Variants in SLCO3A1 observed in about 807,000 individuals in gnomAD.
The protein encoded by SLCO3A1 is PGE1 transporter.
In SLCO3A1, 27 loss-of-function variants were observed where a neutral mutation model predicts 63.1. That is an observed-to-expected ratio of 0.43 (90% CI 0.32 to 0.59). The LOEUF is 0.59. Ranked by LOEUF, SLCO3A1 falls within the 20% of genes least tolerant of loss-of-function variation. The probability of loss-of-function intolerance (pLI) is 0.09; values close to 1 mark genes in which losing one functional copy is unlikely to be tolerated. For missense variants in SLCO3A1, 773 were observed against 945.8 expected, an observed-to-expected ratio of 0.82 and a Z score of 2.40; for synonymous variants, 473 against 409.9, an observed-to-expected ratio of 1.15 and a Z score of -1.86.
In SLCO3A1 at chr15:92,054,689, A is replaced by C. The variant is rs546857934; in HGVS notation, c.647-40192A>C. Among the ~76,000 whole-genome samples, 179 of 149,696 alleles carry C rather than the reference A, an allele frequency of 1.2e-3. 3 individuals are homozygous for C. The highest frequency in any genetic ancestry group is 4.0e-3 in the African/African-American group (163 of 40,624). On this transcript the variant is annotated intron_variant, in intron 2 of 9. Coordinates refer to ENST00000318445, the MANE Select transcript of SLCO3A1 (RefSeq NM_013272.4). ...CATTGTTCAGCTCCCATTATGAGTG[A>C]GAATATGTGGTATTTGGTTTTCTGT... is the stretch of plus-strand genomic sequence containing the variant.
At chr15:92,000,686 G>A (rs2046243279) in intron 2 of SLCO3A1, among the ~76,000 whole-genome samples, 1 of 152,218 alleles carries the variant, frequency 6.6e-6, no homozygotes, top group South Asian at 2.1e-4. Flanking sequence ...AGGCTTCGTT[G>A]AAGCAACAGC....
At chr15:92,041,996 A>C (rs894976182) in intron 2 of SLCO3A1, among the ~76,000 whole-genome samples, 27 of 152,146 alleles carry the variant, frequency 1.8e-4, no homozygotes, top group Non-Finnish European at 3.7e-4. Flanking sequence ...AAACCAAATA[A>C]TGAGCAGAAT....
chr15:92,017,285 T>TGGG (rs35547562), intron 2 of SLCO3A1, among the ~76,000 whole-genome samples: 34 of 145,818 alleles, frequency 2.3e-4, no homozygotes, highest in Non-Finnish European at 3.9e-4. Context: ...GAGCTGGGAT[T>TGGG]GGGGGGGGGT....
intron 2 of SLCO3A1, among the ~76,000 whole-genome samples, chr15:92,070,356 C>T (rs1453656216): frequency 3.9e-5 from 6 of 152,286 alleles, no homozygotes; most frequent in Admixed American, 1.3e-4. Flanking sequence ...GAAATAATTA[C>T]GGAGGGTCGG....
chr15:91,939,705 A>T (rs747753044), intron 2 of SLCO3A1, among the ~76,000 whole-genome samples: 6 of 150,834 alleles, frequency 4.0e-5, no homozygotes, highest in Non-Finnish European at 8.9e-5. Context: ...CATAGCTTGG[A>T]CTCTTTCCCG....
chr15:92,054,608 A>G (rs1198124003), intron 2 of SLCO3A1, among the ~76,000 whole-genome samples: 2 of 101,132 alleles, frequency 2.0e-5, no homozygotes, highest in Admixed American at 2.1e-4. Context: ...CCCTCCACCC[A>G]CCCCCGCCCA....
intron 2 of SLCO3A1, among the ~76,000 whole-genome samples, chr15:92,022,095 C>T (rs2046516563): frequency 6.6e-6 from 1 of 152,204 alleles, no homozygotes; most frequent in African/African-American, 2.4e-5. Flanking sequence ...GCATAAAATC[C>T]TGATGAGCCT....
intron 2 of SLCO3A1, among the ~76,000 whole-genome samples, chr15:92,080,650 T>A (rs566060575): frequency 2.0e-5 from 3 of 152,286 alleles, no homozygotes; most frequent in Admixed American, 1.3e-4. Flanking sequence ...GTAGGGGCCA[T>A]ACTCGGTGCC....
In SLCO3A1 at chr15:92,147,457, T is replaced by C. The variant is rs2048242805; in HGVS notation, c.1688+298T>C. 3.9e-5 allele frequency among the ~76,000 whole-genome samples: 6 copies of C among 152,100 alleles called. No homozygotes were observed. In the South Asian group the frequency reaches 1.2e-3, roughly 32 times the overall value. The stretch of plus-strand genomic sequence containing the variant: ...TTGAGCCTTACAGGACGCAGCCTCG[T>C]TGGAGGAAAATGAAAGTGGCGTCAG... On this transcript the variant is annotated intron_variant, in intron 8 of 9. Coordinates refer to ENST00000318445, the MANE Select transcript of SLCO3A1 (RefSeq NM_013272.4).
chr15:92,039,403 G>C (rs1016020761), intron 2 of SLCO3A1, among the ~76,000 whole-genome samples: 4 of 152,146 alleles, frequency 2.6e-5, no homozygotes, highest in African/African-American at 4.8e-5. Context: ...CAAAAAGTGG[G>C]CAAAGGATAT....
In SLCO3A1 at chr15:92,162,896, G is replaced by A. The variant is rs369481876; in HGVS notation, c.1894G>A (p.Ala632Thr). ...YRYLYVSIAI[A>T]LKSFAFILYT... is the part of the protein sequence containing the mutation. ...ATACCTGTATGTCAGCATCGCCATC[G>A]CGCTCAAATCCTTCGCCTTCATCCT... is the stretch of plus-strand genomic sequence containing the variant. The change falls in exon 10 of 10, where the codon GCG (alanine) becomes ACG (threonine). Residue 632 changes from alanine to threonine, a missense_variant. Ala to Thr is a moderately conservative substitution (Grantham distance 58, BLOSUM62 0). Around this residue, in one of 3 missense-constraint regions of SLCO3A1, gnomAD observed 139 missense variants for 131.4 expected, o/e 1.06. Transcript: ENST00000318445. 144 of 1,614,054 alleles carry A rather than the reference G, an allele frequency of 8.9e-5. No homozygotes were observed. Among genetic ancestry groups the A allele is most frequent in the Non-Finnish European group, 1.1e-4 (127 of 1,180,050 alleles).
intron 2 of SLCO3A1, among the ~76,000 whole-genome samples, chr15:91,997,843 A>G (rs1386190211): frequency 6.6e-6 from 1 of 152,306 alleles, no homozygotes; most frequent in East Asian, 1.9e-4. Flanking sequence ...ATCTTTCAAC[A>G]TATACAAAAA....
At chr15:91,956,980 TATATA>T (rs1256314742) in intron 2 of SLCO3A1, among the ~76,000 whole-genome samples, 10 of 33,934 alleles carry the variant, frequency 2.9e-4, no homozygotes, top group African/African-American at 1.7e-3. Context: ...ATATATAGTA[TATATA>T]ATATATAGTA....
chr15:91,889,531 G>A lies in SLCO3A1; in HGVS notation c.181-26462G>A, dbSNP rs1897818685. 2.6e-5 allele frequency among the ~76,000 whole-genome samples: 4 copies of A among 152,230 alleles called. No homozygotes were observed. The South Asian group carries it at 8.3e-4, about 32-fold the overall frequency. ...TTGACTGATCTGGAAGCTCTGTAAG[G>A]TAGGCTCATTGCAAATGCAATTGCT... On this transcript the variant is annotated intron_variant, in intron 1 of 9. Transcript: ENST00000318445.
chr15:91,964,064 A>C (rs771141083), intron 2 of SLCO3A1, among the ~76,000 whole-genome samples: 15 of 152,156 alleles, frequency 9.9e-5, no homozygotes, highest in Non-Finnish European at 1.6e-4. Context: ...TTAGCTAGAC[A>C]CAAAAGTTCT....
chr15:92,156,324 C>T (rs2238346), intron 9 of SLCO3A1, among the ~76,000 whole-genome samples: 5,056 of 152,212 alleles, frequency 0.033, 286 homozygotes, highest in East Asian at 0.28. Flanking sequence ...ATATGTTAGG[C>T]GCCAGCCATG....
intron 2 of SLCO3A1, among the ~76,000 whole-genome samples, chr15:91,974,002 C>T (rs568996846): frequency 2.0e-5 from 3 of 152,224 alleles, no homozygotes; most frequent in Admixed American, 2.0e-4. Flanking sequence ...TGTCTGTGAG[C>T]CAGGCCTATT....
intron 2 of SLCO3A1, among the ~76,000 whole-genome samples, chr15:92,050,238 G>T (rs1305485664): frequency 6.6e-6 from 1 of 152,234 alleles, no homozygotes; most frequent in Non-Finnish European, 1.5e-5. Flanking sequence ...CCTTCAGCAG[G>T]TGTGGATAGT....
rs778939477 is a variant in SLCO3A1 at position 91,885,195 on chromosome 15, TC to T, written c.181-30795del. Among the ~76,000 whole-genome samples the T allele has an allele frequency of 2.0e-5, 3 of 152,090 alleles. No homozygotes were observed. The highest frequency in any genetic ancestry group is 4.4e-5 in the Non-Finnish European group (3 of 68,008). Reference sequence around the variant, plus strand: ...GCAGGGGGCTTGTCTCCCTCTTTGCTCCCTTTGGCGTCACTCTCCACGCCCA... The same window carrying T: ...GCAGGGGGCTTGTCTCCCTCTTTGCTCCTTTGGCGTCACTCTCCACGCCCA... On this transcript the variant is annotated intron_variant, in intron 1 of 9. Coordinates refer to ENST00000318445, the MANE Select transcript of SLCO3A1 (RefSeq NM_013272.4). The surrounding 1 kb of genome is among the most constrained non-coding windows in gnomAD (Gnocchi z 4.7).
Sources: gnomAD v4.1 joint callset for allele counts (sites outside exome capture counted in the v4.1 genomes callset) on GRCh38, gnomAD v4.1.1 for gene constraint, gnomAD v4.1.1 regional missense constraint, Gnocchi (gnomAD v3.1) non-coding constraint, MANE v1.5 for transcripts, NCBI Gene and HGNC (gene_info 2026-07-23, HGNC 2026-07-21) for gene names.